The following INPPL1 variants were observed in gnomAD, a reference collection of about 807,000 sequenced individuals.
The protein encoded by INPPL1 is inositol polyphosphate phosphatase like 1.
Under a neutral mutation model 139.3 loss-of-function variants are expected in INPPL1, and 91 were observed. The observed-to-expected ratio is 0.65, with a 90% CI of 0.55 to 0.78. The LOEUF is 0.78. Ranked by LOEUF, INPPL1 falls within the 30% of genes least tolerant of loss-of-function variation. INPPL1 has a pLI of 0.00. For missense variants in INPPL1, 1,411 were observed against 1,665.6 expected (o/e 0.85, Z 2.66); for synonymous variants, 719 against 686.6 (o/e 1.05, Z -0.74).
chr11:72,237,094 C>G (rs915510479), intron 25 of INPPL1, 30 bp from the exon 26 acceptor site: 1 of 1,542,110 alleles, frequency 6.5e-7, no homozygotes, highest in Non-Finnish European at 8.7e-7. Context: ...TTCCTGGATC[C>G]TGGCTTAGTC....
Position 72,234,272 on chromosome 11 carries a change from TCTC to T in INPPL1, c.2213-5_2213-3del. 3 of 1,602,684 alleles carry T rather than the reference TCTC, an allele frequency of 1.9e-6. No homozygotes were observed. The highest frequency in any genetic ancestry group is 1.3e-5 in the African/African-American group (1 of 74,682). ...GTCCTCCTGTTTGTTCTCCTCCCTTTCTCCTCAGGGCTCTCAAAGACTTCAGAC... is the reference window on the plus strand; with the variant it reads ...GTCCTCCTGTTTGTTCTCCTCCCTTTCTCAGGGCTCTCAAAGACTTCAGAC... On this transcript the variant is annotated splice_polypyrimidine_tract_variant and splice_region_variant and intron_variant, in intron 19 of 27. Transcript: ENST00000298229. This position sits in a 1 kb window ranked among gnomAD's most constrained non-coding sequence, Gnocchi z 4.2.
chr11:72,236,925 AG>A (rs1229256783), intron 25 of INPPL1, among the ~76,000 whole-genome samples, 198 bp from the exon 26 acceptor site: 5 of 152,212 alleles, frequency 3.3e-5, no homozygotes, highest in Admixed American at 1.3e-4. Context: ...AAGGGATTGT[AG>A]GGTTATCCAT....
rs1221876161 is a variant in INPPL1 at position 72,232,285 on chromosome 11, C to A, written c.1661C>A (p.Ser554Ter). 1 of 1,556,900 alleles carries A rather than the reference C, an allele frequency of 6.4e-7. No homozygotes were observed. The highest frequency in any genetic ancestry group is 2.4e-5 in the East Asian group (1 of 41,742). Residue 554 changes from serine (S) to a stop codon, truncating the protein, a stop_gained, in exon 14 of 28, where the codon TCA becomes TAA. Coordinates refer to ENST00000298229, the MANE Select transcript of INPPL1 (RefSeq NM_001567.4). LOFTEE classifies it high-confidence loss of function. ...GTCTCCTTCATGTTTAATGGCACCT[C>A]ATTTGGCTTTGTGAATTGTCACCTC... ...VGVSFMFNGTSFGFVNCHLTS... is the reference protein window; with the variant it reads ...VGVSFMFNGT
chr11:72,224,206 G>C (rs1050925903), upstream of INPPL1, among the ~76,000 whole-genome samples: 4 of 152,024 alleles, frequency 2.6e-5, no homozygotes, highest in Non-Finnish European at 5.9e-5. Flanking sequence ...CAGAAGCCTG[G>C]TTAGCCAGGG....
At position 72,233,415 on chromosome 11, in the gene INPPL1, A is replaced by G. The variant is rs770232524; in HGVS notation, c.2041-26A>G. 7 of 1,605,596 alleles carry G rather than the reference A, an allele frequency of 4.4e-6. No individual in the cohort carries two copies. In the Admixed American group the frequency reaches 6.7e-5, roughly 15 times the overall value. ...AAGCAGCCTCCTAGCTGTCAGCTCT[A>G]ACCATGCTGCCATCCCCTGCCCCAG... On this transcript the variant is annotated intron_variant, in intron 17 of 27. Coordinates refer to ENST00000298229, the MANE Select transcript of INPPL1 (RefSeq NM_001567.4).
intron 1 of INPPL1, among the ~76,000 whole-genome samples, chr11:72,225,720 A>G (rs1948652078): frequency 6.6e-6 from 1 of 151,976 alleles, no homozygotes; most frequent in African/African-American, 2.4e-5. Flanking sequence ...GCTGTATGGG[A>G]CCTTGCCATT....
At position 72,230,885 on chromosome 11, in the gene INPPL1, C is replaced by A; in HGVS notation, c.1287C>A (p.Gly429=). 1 of 1,614,052 alleles carries A rather than the reference C, an allele frequency of 6.2e-7. No homozygotes were observed. Among genetic ancestry groups the A allele is most frequent in the Non-Finnish European group, 8.5e-7 (1 of 1,179,970 alleles). ...CCGACATGATCTCAGTCTTCATAGG[C>A]ACCTGGAACATGGGTCAGGCCCGGG... ...DEPDMISVFI[G]TWNMGSVPPP... is the part of the protein sequence containing the mutation. The change falls in exon 11 of 28, where the codon GGC becomes GGA. Residue 429 remains glycine, a synonymous_variant. Transcript: ENST00000298229.
chr11:72,231,193 A>T lies in INPPL1; in HGVS notation c.1497+4A>T. ...TACGGATCTGGATTACCGCCCGGTG[A>T]GGGGGGGTCATCTTGTCCAGGACCC... On this transcript the variant is annotated splice_donor_region_variant and intron_variant, in intron 12 of 27. Coordinates refer to ENST00000298229, the MANE Select transcript of INPPL1 (RefSeq NM_001567.4). The T allele has an allele frequency of 6.2e-7, 1 of 1,607,720 alleles. No homozygotes were observed. The highest frequency in any genetic ancestry group is 2.2e-5 in the East Asian group (1 of 44,856).
Position 72,231,487 on chromosome 11 carries a change from T to G in INPPL1, c.1498-11T>G. ...CAGCAGGGCAGTGGTGACCATGCAC[T>G]CTCTACCCAGATTGCCATGCAATCA... is the stretch of plus-strand genomic sequence containing the variant. On this transcript the variant is annotated splice_polypyrimidine_tract_variant and intron_variant, in intron 12 of 27. Transcript: ENST00000298229. The G allele has an allele frequency of 6.3e-7, 1 of 1,597,668 alleles. No individual in the cohort carries two copies. Among genetic ancestry groups the G allele is most frequent in the Non-Finnish European group, 8.6e-7 (1 of 1,165,346 alleles).
rs1948653472 is a variant in INPPL1 at position 72,225,756 on chromosome 11, TGAGCCC to T, written c.182+591_182+596del. Among the ~76,000 whole-genome samples the T allele has an allele frequency of 2.6e-5, 4 of 152,298 alleles. No individual in the cohort carries two copies. The South Asian group carries it at 8.3e-4, about 32-fold the overall frequency. The stretch of plus-strand genomic sequence containing the variant: ...ATTTCTGAACCAATGAGTGAGTGTT[TGAGCCC>T]TGGCTCTGGGCTTGAGCCCTGGTTA... On this transcript the variant is annotated intron_variant, in intron 1 of 27. Transcript: ENST00000298229.
Position 72,234,142 on chromosome 11 carries a change from T to G in INPPL1, c.2213-139T>G, listed in dbSNP as rs1948915150. Reference sequence around the variant, plus strand: ...CCTCTGGAGATTCCCTGTTGGTGGCTTGGGACTGGGGAGGCCCCTCCTGGC... The same window carrying G: ...CCTCTGGAGATTCCCTGTTGGTGGCGTGGGACTGGGGAGGCCCCTCCTGGC... On this transcript the variant is annotated intron_variant, in intron 19 of 27. Coordinates refer to ENST00000298229, the MANE Select transcript of INPPL1 (RefSeq NM_001567.4). The surrounding 1 kb of genome is among the most constrained non-coding windows in gnomAD (Gnocchi z 4.2). 2 of 655,402 alleles carry G rather than the reference T, an allele frequency of 3.1e-6. No homozygotes were observed. Among genetic ancestry groups the G allele is most frequent in the African/African-American group, 3.6e-5 (2 of 54,934 alleles). The allele number at this position is 655,402 out of a possible 1,614,324, so 40.6% of individuals were successfully genotyped here.
At position 72,237,750 on chromosome 11, in the gene INPPL1, C is replaced by A. The variant is rs374265585; in HGVS notation, c.3506C>A (p.Pro1169His). 7.4e-5 allele frequency: 120 copies of A among 1,611,222 alleles called. No homozygotes were observed. The East Asian group carries it at 1.8e-3, about 24-fold the overall frequency. ...PSDYGRPLSF[P>H]PPRIRESIQE... ...GACTATGGCCGGCCCCTCAGCTTCCCTCCACCCCGCATCCGGGAGAGCATC... is the reference window on the plus strand; with the variant it reads ...GACTATGGCCGGCCCCTCAGCTTCCATCCACCCCGCATCCGGGAGAGCATC... The change falls in exon 26 of 28, where the codon CCT becomes CAT. Residue 1169 changes from proline to histidine, a missense_variant. Physicochemically the swap from Pro to His is moderately conservative, Grantham distance 77. Around this residue, in one of 5 missense-constraint regions of INPPL1, gnomAD observed 438 missense variants for 425.7 expected, o/e 1.03. Transcript: ENST00000298229.
Position 72,230,439 on chromosome 11 carries a change from C to T in INPPL1, c.1168C>T (p.Arg390Cys), listed in dbSNP as rs771324555. The T allele has an allele frequency of 4.1e-5, 66 of 1,613,876 alleles. No individual in the cohort carries two copies. The highest frequency in any genetic ancestry group is 7.7e-5 in the South Asian group (7 of 91,076). Residue 390 changes from arginine to cysteine, a missense_variant, in exon 10 of 28, where the codon CGC becomes TGC. Transcript: ENST00000298229. ...TGAGAAGGAGAAGGACCGGACTCAG[C>T]GCAAGGACTTCATCTTTGTCAGTGC... is the stretch of plus-strand genomic sequence containing the variant. ...VFEKEKDRTQ[R>C]KDFIFVSARK... is the part of the protein sequence containing the mutation.
At chr11:72,233,618 T>C (rs2135436023) in intron 18 of INPPL1, 37 bp from the exon 19 acceptor site, 1 of 1,606,514 alleles carries the variant, frequency 6.2e-7, no homozygotes. Flanking sequence ...GGTGGGAATA[T>C]TCCCCCTGAG....
chr11:72,231,659 G>A (rs1948838971), intron 13 of INPPL1, 44 bp downstream of exon 13: 2 of 1,364,576 alleles, frequency 1.5e-6, no homozygotes, highest in African/African-American at 2.9e-5. Context: ...GCGTCTCTCT[G>A]TCCATGGCTT....
At chr11:72,231,472 G>A (rs1157912032) in intron 12 of INPPL1, 26 bp from the exon 13 acceptor site, 2 of 1,535,490 alleles carry the variant, frequency 1.3e-6, no homozygotes, top group African/African-American at 2.7e-5. Flanking sequence ...CAGCAGGGCA[G>A]TGGTGACCAT....
intron 10 of INPPL1, 138 bp downstream of exon 10, chr11:72,230,606 G>A: frequency 2.2e-6 from 2 of 928,754 alleles, no homozygotes; most frequent in South Asian, 3.0e-5. Context: ...ACAGGGTAGA[G>A]GGTGTTGAGA....
chr11:72,232,563 T>G (rs1396452766), intron 14 of INPPL1, 63 bp from the exon 15 acceptor site: 34 of 1,583,744 alleles, frequency 2.1e-5, no homozygotes, highest in Non-Finnish European at 2.8e-5. Flanking sequence ...TTTATGCCTA[T>G]CCCTGACTTC....
chr11:72,238,453 T>G lies in INPPL1; in HGVS notation c.*100T>G. On this transcript the variant is annotated 3_prime_UTR_variant, in exon 28 of 28. Transcript: ENST00000298229. ...AAAAGTTATGAGGGTCAGGGCAGTA[T>G]CTCTCTGCCTATTTATTGGGGTGCC... 1.1e-6 allele frequency: 1 copy of G among 927,346 alleles called. No homozygotes were observed. The highest frequency in any genetic ancestry group is 1.7e-5 in the African/African-American group (1 of 57,830). The allele number at this position is 927,346 out of a possible 1,614,324, so 57.4% of individuals were successfully genotyped here.
Sources: gnomAD v4.1 joint callset for allele counts (sites outside exome capture counted in the v4.1 genomes callset) on GRCh38, gnomAD v4.1.1 for gene constraint, gnomAD v4.1.1 regional missense constraint, Gnocchi (gnomAD v3.1) non-coding constraint, MANE v1.5 for transcripts, NCBI Gene and HGNC (gene_info 2026-07-23, HGNC 2026-07-21) for gene names.